Variants in KCNH7 observed in about 807,000 individuals in gnomAD.
KCNH7 encodes voltage-gated inwardly rectifying potassium channel KCNH7.
In KCNH7, 49 loss-of-function variants were observed where a neutral mutation model predicts 120.8. The observed-to-expected ratio is 0.41, with a 90% CI of 0.32 to 0.51. KCNH7 has a LOEUF of 0.51. Among genes scored for constraint, KCNH7 ranks in the 20% least tolerant of loss-of-function variants. KCNH7 has a pLI of 0.38. For missense variants in KCNH7, 1,097 were observed against 1,446.6 expected (o/e 0.76, Z 3.92); for synonymous variants, 547 against 516.1 (o/e 1.06, Z -0.81).
chr2:162,602,934 G>A (rs1203714330), intron 2 of KCNH7, among the ~76,000 whole-genome samples: 3 of 150,910 alleles, frequency 2.0e-5, no homozygotes, highest in African/African-American at 7.3e-5. Context: ...GGAGGAGGAG[G>A]TTGAGCTGGA....
chr2:162,378,717 T>C (rs959706788), intron 14 of KCNH7, among the ~76,000 whole-genome samples: 1 of 152,204 alleles, frequency 6.6e-6, no homozygotes, highest in Non-Finnish European at 1.5e-5. Context: ...CAAAATGTGG[T>C]CACCCATTGG....
At chr2:162,598,981 C>T (rs535585972) in intron 2 of KCNH7, among the ~76,000 whole-genome samples, 39 of 151,940 alleles carry the variant, frequency 2.6e-4, no homozygotes, top group Non-Finnish European at 4.9e-4. Context: ...GAAGGCTGGG[C>T]GCAGTGGCTC....
At chr2:162,663,235 T>G (rs777896645) in intron 2 of KCNH7, among the ~76,000 whole-genome samples, 26 of 152,236 alleles carry the variant, frequency 1.7e-4, no homozygotes, top group Non-Finnish European at 3.1e-4. Context: ...GGCAGACGTC[T>G]GTTGAATATG....
At chr2:162,810,629 T>C (rs1289672400) in intron 2 of KCNH7, among the ~76,000 whole-genome samples, 4 of 152,204 alleles carry the variant, frequency 2.6e-5, no homozygotes, top group Non-Finnish European at 4.4e-5. Context: ...ATCTAACTGA[T>C]GTTAGATAAT....
chr2:162,676,890 T>C (rs1685546411), intron 2 of KCNH7, among the ~76,000 whole-genome samples: 1 of 151,478 alleles, frequency 6.6e-6, no homozygotes, highest in South Asian at 2.1e-4. Context: ...ATATTACTCA[T>C]ATCTATGAGT....
At chr2:162,717,677 T>G (rs1200795525) in intron 2 of KCNH7, among the ~76,000 whole-genome samples, 1 of 152,124 alleles carries the variant, frequency 6.6e-6, no homozygotes, top group Non-Finnish European at 1.5e-5. Context: ...TAGCTCTTCT[T>G]ACCCTGACTT....
chr2:162,814,022 A>T (rs1684826866), intron 2 of KCNH7, among the ~76,000 whole-genome samples: 1 of 152,220 alleles, frequency 6.6e-6, no homozygotes, highest in Non-Finnish European at 1.5e-5. Flanking sequence ...AAATGCAGAA[A>T]CCTGGAAATT....
At chr2:162,749,400 A>G (rs1312812854) in intron 2 of KCNH7, among the ~76,000 whole-genome samples, 1 of 152,194 alleles carries the variant, frequency 6.6e-6, no homozygotes, top group Non-Finnish European at 1.5e-5. Flanking sequence ...CTAGATTCAC[A>G]GAATACATTA....
intron 1 of KCNH7, among the ~76,000 whole-genome samples, chr2:162,837,696 G>A (rs1385408687): frequency 6.6e-6 from 1 of 152,112 alleles, no homozygotes; most frequent in East Asian, 1.9e-4. Context: ...TATTTATATA[G>A]CAACAATTTA....
intron 6 of KCNH7, among the ~76,000 whole-genome samples, chr2:162,471,065 A>G (rs1689507122): frequency 6.6e-6 from 1 of 152,030 alleles, no homozygotes; most frequent in Non-Finnish European, 1.5e-5. Context: ...GTTAAGAGTC[A>G]TCACCACTCC....
intron 6 of KCNH7, among the ~76,000 whole-genome samples, chr2:162,488,832 C>T (rs867476707): frequency 1.3e-5 from 2 of 152,254 alleles, no homozygotes; most frequent in East Asian, 1.9e-4. Context: ...GCCAGGGCTC[C>T]GACACCTTGC....
Position 162,575,969 on chromosome 2 carries a change from A to T in KCNH7, c.308-38889T>A, listed in dbSNP as rs181085707. Among the ~76,000 whole-genome samples, 8 of 152,224 alleles carry T rather than the reference A, an allele frequency of 5.3e-5. No individual in the cohort carries two copies. The East Asian group carries it at 1.6e-3, about 30-fold the overall frequency. ...TCTTTCAGACAGCTGACTCACTTGA[A>T]GAAAATGGGGTTTTTCCATATACAA... On this transcript the variant is annotated intron_variant, in intron 2 of 15. Coordinates refer to ENST00000332142, the MANE Select transcript of KCNH7 (RefSeq NM_033272.4).
At chr2:162,593,819 A>C (rs1223471797) in intron 2 of KCNH7, among the ~76,000 whole-genome samples, 1 of 151,972 alleles carries the variant, frequency 6.6e-6, no homozygotes, top group Non-Finnish European at 1.5e-5. Flanking sequence ...CTGCTGAAAA[A>C]ATTTTGAAAC....
At chr2:162,788,893 T>C (rs1167913110) in intron 2 of KCNH7, among the ~76,000 whole-genome samples, 2 of 144,108 alleles carry the variant, frequency 1.4e-5, no homozygotes, top group African/African-American at 5.2e-5. Context: ...AAGCAACCTA[T>C]AACATACAAG....
rs775284396 is a variant in KCNH7, at chr2:162,446,349, G to C, written c.1223C>G (p.Ala408Gly). Residue 408 changes from alanine to glycine, a missense_variant, in exon 7 of 16, where the codon GCA becomes GGA. Physicochemically the swap from Ala to Gly is moderately conservative, Grantham distance 60. Transcript: ENST00000332142. ...CAGCAGGATAAGCCAGTCCCAGACT[G>C]CCTTGAAAGGGCTGTAGTGCAATAT... Reference protein sequence around the residue: ...FTILHYSPFKAVWDWLILLLV... With the variant: ...FTILHYSPFKGVWDWLILLLV... 2 of 1,613,742 alleles carry C rather than the reference G, an allele frequency of 1.2e-6. No homozygotes were observed. The highest frequency in any genetic ancestry group is 1.7e-6 in the Non-Finnish European group (2 of 1,179,742).
At chr2:162,585,820 T>G (rs962821275) in intron 2 of KCNH7, among the ~76,000 whole-genome samples, 3 of 151,976 alleles carry the variant, frequency 2.0e-5, no homozygotes, top group South Asian at 4.1e-4. Context: ...GAGTTGATCA[T>G]GTTGACAAGT....
intron 8 of KCNH7, among the ~76,000 whole-genome samples, chr2:162,431,365 A>T (rs796316593): frequency 2.2e-4 from 33 of 152,052 alleles, no homozygotes; most frequent in African/African-American, 7.9e-4. Context: ...AAGGCCACTA[A>T]TGGGTCTGAG....
chr2:162,513,174 TTCCCTCCC>T (rs374134165), intron 4 of KCNH7, among the ~76,000 whole-genome samples: 12 of 84,410 alleles, frequency 1.4e-4, no homozygotes, highest in East Asian at 4.0e-4. Context: ...CCTCCCTTCT[TTCCCTCCC>T]TCCCTCCCTC....
intron 6 of KCNH7, among the ~76,000 whole-genome samples, chr2:162,475,196 C>A: frequency 6.6e-6 from 1 of 152,176 alleles, no homozygotes; most frequent in Middle Eastern, 3.4e-3. Context: ...ATACATGTGG[C>A]GAATGACACT....
Sources: gnomAD v4.1 joint callset for allele counts (sites outside exome capture counted in the v4.1 genomes callset) on GRCh38, gnomAD v4.1.1 for gene constraint, MANE v1.5 for transcripts, NCBI Gene and HGNC (gene_info 2026-07-23, HGNC 2026-07-21) for gene names.